The following GALNT14 variants were observed in gnomAD, a reference collection of about 807,000 sequenced individuals.
The protein encoded by GALNT14 is polypeptide N-acetylgalactosaminyltransferase 14, also known as UDP-GalNAc:polypeptide N-acetylgalactosaminyltransferase 14.
GALNT14 carries 60 observed loss-of-function variants against 77.5 expected under a neutral mutation model. That is an observed-to-expected ratio of 0.77 (90% CI 0.63 to 0.96). The LOEUF is 0.96. Among genes scored for constraint, GALNT14 ranks in the 40% least tolerant of loss-of-function variants. GALNT14 has a pLI of 0.00. For synonymous variants in GALNT14, 280 were observed against 281.7 expected, an observed-to-expected ratio of 0.99 and a Z score of 0.06; for missense variants, 710 against 731.0, an observed-to-expected ratio of 0.97 and a Z score of 0.33.
rs542124635 is a variant in GALNT14, at chr2:31,109,280, A to G, written c.129+28678T>C. Among the ~76,000 whole-genome samples, 3 of 152,364 alleles carry G rather than the reference A, an allele frequency of 2.0e-5. No homozygotes were observed. In the East Asian group the frequency reaches 5.8e-4, roughly 29 times the overall value. ...CTGCAAAACCAAGACAGCAGATGAA[A>G]GAGTGGAGGAAGTGACTGCCTATGT... On this transcript the variant is annotated intron_variant, in intron 1 of 14. Transcript: ENST00000349752.
intron 1 of GALNT14, among the ~76,000 whole-genome samples, chr2:31,006,163 G>A (rs1417382472): frequency 1.3e-5 from 2 of 152,162 alleles, no homozygotes; most frequent in Admixed American, 6.5e-5. Flanking sequence ...TCACACTCAC[G>A]AGGAATGTGT....
intron 6 of GALNT14, among the ~76,000 whole-genome samples, chr2:30,952,740 C>T (rs777243951): frequency 6.7e-6 from 1 of 150,212 alleles, no homozygotes; most frequent in Non-Finnish European, 1.5e-5. Flanking sequence ...TGCACATGTA[C>T]CCTAAAACTT....
chr2:31,125,386 G>A (rs547870114), intron 1 of GALNT14: 6 of 688,090 alleles, frequency 8.7e-6, no homozygotes, highest in Non-Finnish European at 1.5e-5. Flanking sequence ...AGCCTTGAAA[G>A]AGCCCTTATT....
At chr2:31,091,300 TATAA>T (rs1185541183) in intron 1 of GALNT14, among the ~76,000 whole-genome samples, 6 of 152,392 alleles carry the variant, frequency 3.9e-5, no homozygotes, top group African/African-American at 1.2e-4. Context: ...TTACAGTATC[TATAA>T]ATAAAGTTTT....
the GALNT14 span, among the ~76,000 whole-genome samples, chr2:30,888,321 G>T: frequency 6.6e-6 from 1 of 152,218 alleles, no homozygotes; most frequent in Non-Finnish European, 1.5e-5. Flanking sequence ...TGCAACTGGG[G>T]ACCCAATACC....
At chr2:30,984,709 G>A (rs1055851321) in intron 2 of GALNT14, among the ~76,000 whole-genome samples, 3 of 151,860 alleles carry the variant, frequency 2.0e-5, no homozygotes, top group Admixed American at 6.6e-5. Context: ...AAAATCCTAC[G>A]TGCCCCACTC....
intron 1 of GALNT14, among the ~76,000 whole-genome samples, chr2:31,038,193 C>T (rs1429856664): frequency 6.8e-6 from 1 of 146,518 alleles, no homozygotes; most frequent in Admixed American, 6.9e-5. Context: ...CTCCCAGGTT[C>T]AAGTGATTCT....
intron 1 of GALNT14, among the ~76,000 whole-genome samples, chr2:31,038,084 A>ATTTTTTT (rs1196402402): frequency 3.8e-5 from 2 of 52,662 alleles, no homozygotes; most frequent in Non-Finnish European, 6.5e-5. Flanking sequence ...ATATATATAT[A>ATTTTTTT]TTTTTTTTTT....
intron 2 of GALNT14, among the ~76,000 whole-genome samples, chr2:30,989,445 T>C (rs1383115933): frequency 2.0e-5 from 3 of 151,192 alleles, no homozygotes; most frequent in Admixed American, 1.3e-4. Context: ...TTGAGTTTTC[T>C]CACAGAAACC....
chr2:30,900,855 C>T, the GALNT14 span, among the ~76,000 whole-genome samples: 1 of 152,188 alleles, frequency 6.6e-6, no homozygotes, highest in African/African-American at 2.4e-5. Context: ...AAATCACAGC[C>T]TCTTGGGTGG....
chr2:31,042,628 G>A (rs1029735035), intron 1 of GALNT14, among the ~76,000 whole-genome samples: 10 of 152,132 alleles, frequency 6.6e-5, no homozygotes, highest in Middle Eastern at 3.2e-3. Flanking sequence ...CATCTGTTGA[G>A]ATGAAAACCT....
intron 13 of GALNT14, among the ~76,000 whole-genome samples, chr2:30,914,086 G>A (rs921288339): frequency 4.6e-5 from 7 of 152,332 alleles, no homozygotes; most frequent in East Asian, 3.9e-4. Context: ...GCTAATAAGA[G>A]CTGACATTTA....
At chr2:30,984,308 G>A (rs1257469703) in intron 2 of GALNT14, among the ~76,000 whole-genome samples, 1 of 152,198 alleles carries the variant, frequency 6.6e-6, no homozygotes, top group African/African-American at 2.4e-5. Context: ...CACTTTGTTT[G>A]GGACAGTTGT....
chr2:31,072,261 T>TCACACACA (rs1675430910), intron 1 of GALNT14, among the ~76,000 whole-genome samples: 1 of 74,930 alleles, frequency 1.3e-5, no homozygotes. Flanking sequence ...TTTCTCTCTC[T>TCACACACA]CTCACACACA....
At chr2:31,012,518 C>T (rs1033060881) in intron 1 of GALNT14, among the ~76,000 whole-genome samples, 4 of 152,194 alleles carry the variant, frequency 2.6e-5, no homozygotes, top group Non-Finnish European at 2.9e-5. Context: ...TCCCACCTCA[C>T]TCCACCAAGG....
At chr2:31,016,766 C>T (rs896965063) in intron 1 of GALNT14, among the ~76,000 whole-genome samples, 2 of 152,180 alleles carry the variant, frequency 1.3e-5, no homozygotes, top group Admixed American at 6.5e-5. Flanking sequence ...TGCAGAGCAT[C>T]TTCCCCCGCC....
In GALNT14 at chr2:30,955,673, C is replaced by G; in HGVS notation, c.599G>C (p.Ser200Thr). ...CCAGTCCCTGTTCACCTCACAGTGG[C>G]TGTCGAGGAAAGTCAGAGTGGTGCC... The part of the protein sequence containing the change: ...AQGTTLTFLD[S>T]HCEVNRDWLQ... The change falls in exon 6 of 15, where the codon AGC becomes ACC. Residue 200 changes from serine (S) to threonine (T), a missense_variant. By Grantham distance (58) the Ser-to-Thr change is moderately conservative. Transcript: ENST00000349752. The G allele has an allele frequency of 6.2e-7, 1 of 1,614,240 alleles. No individual in the cohort carries two copies. Among genetic ancestry groups the G allele is most frequent in the South Asian group, 1.1e-5 (1 of 91,092 alleles).
chr2:30,994,416 C>T (rs1251163520), intron 1 of GALNT14, among the ~76,000 whole-genome samples: 1 of 152,192 alleles, frequency 6.6e-6, no homozygotes, highest in African/African-American at 2.4e-5. Context: ...GGCCAGTGTG[C>T]ATGTTCATCT....
chr2:31,081,113 A>G (rs1412643261), intron 1 of GALNT14, among the ~76,000 whole-genome samples: 3 of 152,204 alleles, frequency 2.0e-5, no homozygotes, highest in South Asian at 2.1e-4. Context: ...TTTCAAATGC[A>G]TTGTTGCTGT....
Sources: gnomAD v4.1 joint callset for allele counts (sites outside exome capture counted in the v4.1 genomes callset) on GRCh38, gnomAD v4.1.1 for gene constraint, MANE v1.5 for transcripts, NCBI Gene and HGNC (gene_info 2026-07-23, HGNC 2026-07-21) for gene names.